Variants in EHBP1 observed in about 807,000 individuals in gnomAD.
The protein encoded by EHBP1 is EH domain-binding protein 1.
In EHBP1, 55 loss-of-function variants were observed where a neutral mutation model predicts 144.0. The observed-to-expected ratio is 0.38, with a 90% confidence interval of 0.31 to 0.48. The LOEUF is 0.48. EHBP1 is among the 20% of genes least tolerant of loss of function. The probability of loss-of-function intolerance (pLI) is 0.98; values close to 1 mark genes in which losing one functional copy is unlikely to be tolerated. For synonymous variants in EHBP1, 469 were observed against 472.7 expected (o/e 0.99, Z 0.10); for missense variants, 1,200 against 1,364.2 (o/e 0.88, Z 1.90).
chr2:62,942,325 CATT>C (rs1207637379), intron 10 of EHBP1, among the ~76,000 whole-genome samples: 4 of 152,154 alleles, frequency 2.6e-5, no homozygotes. Flanking sequence ...CCTCGAAATA[CATT>C]ATTTTTAACC....
chr2:62,948,915 C>G lies in EHBP1; in HGVS notation c.2069C>G (p.Thr690Ser). The change falls in exon 13 of 23, where the codon ACT (threonine) becomes AGT (serine). Residue 690 changes from threonine (T) to serine (S), a missense_variant. Thr to Ser is a moderately conservative substitution (Grantham distance 58, BLOSUM62 1). Around this residue, in one of 6 missense-constraint regions of EHBP1, gnomAD observed 543 missense variants for 513.1 expected, o/e 1.06. Coordinates refer to ENST00000431489, the MANE Select transcript of EHBP1 (RefSeq NM_001142616.3). The stretch of plus-strand genomic sequence containing the variant: ...GAGACAGATGAACAAAAGCTTCAAA[C>G]TCTAGACATCGGTAGTAACTTGGAG... ...CEETDEQKLQ[T>S]LDIGSNLEKE... 6.2e-7 allele frequency: 1 copy of G among 1,614,062 alleles called. No homozygotes were observed.
chr2:63,032,452 C>T (rs1397121793), intron 19 of EHBP1, among the ~76,000 whole-genome samples: 3 of 149,756 alleles, frequency 2.0e-5, no homozygotes, highest in African/African-American at 7.4e-5. Context: ...CCTGTAGTCC[C>T]AGCTACTTGG....
At chr2:62,957,155 A>G (rs146435446) in intron 14 of EHBP1, among the ~76,000 whole-genome samples, 316 of 152,324 alleles carry the variant, frequency 2.1e-3, no homozygotes, top group Non-Finnish European at 3.4e-3. Context: ...ACCATGGTCA[A>G]TTTGGATTTA....
At chr2:63,038,528 C>A (rs181390346) in intron 20 of EHBP1, among the ~76,000 whole-genome samples, 1 of 152,048 alleles carries the variant, frequency 6.6e-6, no homozygotes, top group Admixed American at 6.6e-5. Context: ...TTAAAATATA[C>A]CTATGTAACA....
intron 19 of EHBP1, among the ~76,000 whole-genome samples, chr2:63,024,794 T>G (rs2060904480): frequency 6.6e-6 from 1 of 152,024 alleles, no homozygotes; most frequent in African/African-American, 2.4e-5. Flanking sequence ...GAGGATTGCT[T>G]GAGCCCAGCC....
At chr2:62,816,909 A>G (rs1444382012) in intron 5 of EHBP1, among the ~76,000 whole-genome samples, 1 of 152,142 alleles carries the variant, frequency 6.6e-6, no homozygotes, top group Non-Finnish European at 1.5e-5. Flanking sequence ...CTACCTGTTT[A>G]TCCCCGTTCT....
intron 7 of EHBP1, among the ~76,000 whole-genome samples, chr2:62,840,221 A>G (rs1351422102): frequency 3.3e-5 from 5 of 151,262 alleles, no homozygotes; most frequent in Non-Finnish European, 1.5e-5. Context: ...CAAACCTGAG[A>G]AAAACAAGCA....
chr2:62,919,322 C>T (rs1453759993), intron 10 of EHBP1, among the ~76,000 whole-genome samples: 1 of 152,102 alleles, frequency 6.6e-6, no homozygotes, highest in Non-Finnish European at 1.5e-5. Flanking sequence ...ATCTCTTTTT[C>T]CCCTTTTGGG....
At chr2:62,989,459 T>G (rs1435976051) in intron 15 of EHBP1, among the ~76,000 whole-genome samples, 1 of 151,996 alleles carries the variant, frequency 6.6e-6, no homozygotes, top group Non-Finnish European at 1.5e-5. Flanking sequence ...AAGGGGAGAA[T>G]TTTCTAGTTT....
intron 2 of EHBP1, among the ~76,000 whole-genome samples, chr2:62,741,530 T>C (rs1244877340): frequency 2.6e-5 from 4 of 152,224 alleles, no homozygotes; most frequent in Non-Finnish European, 4.4e-5. Context: ...CTACCAAATA[T>C]TTAACCAATT....
At chr2:62,819,717 T>C (rs2045745963) in intron 5 of EHBP1, among the ~76,000 whole-genome samples, 1 of 151,794 alleles carries the variant, frequency 6.6e-6, no homozygotes, top group Admixed American at 6.6e-5. Context: ...TGAGCTGAGA[T>C]TGTGCCATTG....
At chr2:62,816,147 C>T (rs2045431520) in intron 5 of EHBP1, among the ~76,000 whole-genome samples, 1 of 151,998 alleles carries the variant, frequency 6.6e-6, no homozygotes, top group African/African-American at 2.4e-5. Context: ...TGATTTTTTT[C>T]TTCATATACT....
At chr2:62,679,369 G>A (rs1036576713) in intron 1 of EHBP1, among the ~76,000 whole-genome samples, 3 of 152,118 alleles carry the variant, frequency 2.0e-5, no homozygotes, top group African/African-American at 4.8e-5. Context: ...AAATCCGGTC[G>A]ATTAGTTTTT....
intron 12 of EHBP1, among the ~76,000 whole-genome samples, chr2:62,945,316 A>G (rs1272442950): frequency 2.0e-5 from 3 of 152,164 alleles, no homozygotes; most frequent in Non-Finnish European, 2.9e-5. Context: ...TCCATGTAAA[A>G]CATTATTCTG....
At chr2:62,734,863 C>T (rs892467433) in intron 2 of EHBP1, among the ~76,000 whole-genome samples, 20 of 152,252 alleles carry the variant, frequency 1.3e-4, no homozygotes, top group African/African-American at 4.6e-4. Flanking sequence ...AAAAGTGCTG[C>T]GCTTACAGGC....
chr2:62,764,238 A>G, intron 3 of EHBP1, 28 bp from the exon 4 acceptor site: 2 of 1,462,582 alleles, frequency 1.4e-6, no homozygotes, highest in Non-Finnish European at 1.8e-6. Flanking sequence ...CATACTTCAT[A>G]TTGAAGGTAT....
chr2:62,798,787 G>A (rs1018059643), intron 5 of EHBP1, among the ~76,000 whole-genome samples: 3 of 151,902 alleles, frequency 2.0e-5, no homozygotes, highest in Admixed American at 6.6e-5. Flanking sequence ...GGCGGATCGC[G>A]AGGTCAGGAG....
chr2:62,770,153 G>A lies in EHBP1; in HGVS notation c.259-1186G>A, dbSNP rs111966164. On this transcript the variant is annotated intron_variant, in intron 4 of 22. Coordinates refer to ENST00000431489, the MANE Select transcript of EHBP1 (RefSeq NM_001142616.3). Reference sequence around the variant, plus strand: ...GCCACCAAAAGCAATTACAACAAAAGCAAAAGTTGACAAATGAGATCTAAT... The same window carrying A: ...GCCACCAAAAGCAATTACAACAAAAACAAAAGTTGACAAATGAGATCTAAT... Among the ~76,000 whole-genome samples the A allele has an allele frequency of 4.4e-4, 67 of 152,092 alleles. 1 individual carries two copies. The highest frequency in any genetic ancestry group is 5.9e-5 in the Non-Finnish European group (4 of 68,006).
intron 4 of EHBP1, among the ~76,000 whole-genome samples, chr2:62,770,515 T>C (rs529358636): frequency 6.6e-6 from 1 of 152,290 alleles, no homozygotes; most frequent in Non-Finnish European, 1.5e-5. Flanking sequence ...AATAACATGC[T>C]GGCAAGGTTG....
Sources: allele counts gnomAD v4.1 joint callset (sites outside exome capture counted in the v4.1 genomes callset), GRCh38; gene constraint gnomAD v4.1.1; regional missense constraint gnomAD v4.1.1; transcripts MANE v1.5; gene names NCBI Gene and HGNC (gene_info 2026-07-23, HGNC 2026-07-21).